CROCC: variants seen among roughly 807,000 people sequenced by gnomAD.
The protein encoded by CROCC is ciliary rootlet coiled-coil, rootletin.
A neutral mutation model predicts 245.2 loss-of-function variants in CROCC; 180 were observed. That is an observed-to-expected ratio of 0.73 (90% CI 0.65 to 0.83). The LOEUF (loss-of-function observed/expected upper bound fraction) is 0.83. CROCC is among the 40% of genes least tolerant of loss of function. The pLI is 0.00. For synonymous variants in CROCC, 1,205 were observed against 1,241.6 expected, an observed-to-expected ratio of 0.97 and a Z score of 0.62; for missense variants, 2,688 against 2,779.4, an observed-to-expected ratio of 0.97 and a Z score of 0.74.
intron 3 of CROCC, among the ~76,000 whole-genome samples, chr1:16,927,506 C>A (rs1259125856): frequency 6.6e-6 from 1 of 152,270 alleles, no homozygotes; most frequent in Non-Finnish European, 1.5e-5. Context: ...CTGATACACA[C>A]AGCCAGGCCC....
chr1:16,919,506 G>A (rs1168313015), upstream of CROCC, among the ~76,000 whole-genome samples: 7 of 152,278 alleles, frequency 4.6e-5, no homozygotes, highest in South Asian at 4.1e-4. Context: ...AGGACAAGCC[G>A]CAGGCAAAAC....
chr1:16,947,615 G>C (rs557862749), intron 17 of CROCC, among the ~76,000 whole-genome samples: 2 of 152,354 alleles, frequency 1.3e-5, no homozygotes, highest in Non-Finnish European at 2.9e-5. Context: ...TTCATGCAAG[G>C]TCTATCCTGG....
At position 16,971,633 on chromosome 1, in the gene CROCC, G is replaced by C; in HGVS notation, c.5953G>C (p.Gly1985Arg). The C allele has an allele frequency of 1.3e-6, 2 of 1,500,520 alleles. No homozygotes were observed. The highest frequency in any genetic ancestry group is 1.8e-6 in the Non-Finnish European group (2 of 1,123,672). 93.0% of individuals were successfully genotyped at this position (1,500,520 alleles called of 1,614,324 possible). A position where few individuals can be genotyped will look rare whatever the true frequency, so the allele number is the denominator to read the frequency against. Residue 1985 changes from glycine (G) to arginine (R), a missense_variant, in exon 36 of 37, where the codon GGG (glycine) becomes CGG (arginine). Gly to Arg is a moderately radical substitution (Grantham distance 125). Around this residue, in one of 9 missense-constraint regions of CROCC, gnomAD observed 1,218 missense variants for 1,286.3 expected, o/e 0.95. Coordinates refer to ENST00000375541, the MANE Select transcript of CROCC (RefSeq NM_014675.5). ...RERAHRQRVR[G>R]LEEQVSTLKG... is the part of the protein sequence containing the mutation. ...GCGGGCCCACCGCCAGAGGGTGCGT[G>C]GGCTGGAGGAGCAGGTGTGCAGGCC... is the stretch of plus-strand genomic sequence containing the variant.
At chr1:16,943,527 G>C (rs1315270273) in intron 13 of CROCC, among the ~76,000 whole-genome samples, 1 of 151,476 alleles carries the variant, frequency 6.6e-6, no homozygotes, top group Non-Finnish European at 1.5e-5. Context: ...GACAGAGCGA[G>C]ACTCCGTCTC....
intron 30 of CROCC, 133 bp from the exon 31 acceptor site, chr1:16,968,070 C>A: frequency 2.4e-6 from 2 of 842,968 alleles, no homozygotes; most frequent in Non-Finnish European, 3.8e-6. Context: ...CCAGAGGGTC[C>A]CAGGCCGGCC....
Position 16,962,603 on chromosome 1 carries a change from A to T in CROCC, c.4405+1473A>T, listed in dbSNP as rs549860123. On this transcript the variant is annotated intron_variant, in intron 27 of 36. Coordinates refer to ENST00000375541, the MANE Select transcript of CROCC (RefSeq NM_014675.5). ...TGGTCAGGCTAGTCTTGAACTCCTG[A>T]CCTTACGTGATCTGCCCACCTCAGC... Among the ~76,000 whole-genome samples the T allele has an allele frequency of 3.4e-4, 50 of 147,498 alleles. 1 individual carries two copies. In the South Asian group the frequency reaches 0.011, roughly 32 times the overall value.
chr1:16,955,875 C>T lies in CROCC; in HGVS notation c.3705-122C>T, dbSNP rs1476783331. 6 of 1,271,226 alleles carry T rather than the reference C, an allele frequency of 4.7e-6. No individual in the cohort carries two copies. The African/African-American group carries it at 5.9e-5, about 13-fold the overall frequency. The allele number at this position is 1,271,226 out of a possible 1,614,324, so 78.7% of individuals were successfully genotyped here. ...CTGCAGGGCTCAGGGCTTAGCTCTT[C>T]AGAGAGGCCACATGGGCAGGCAGTG... is the stretch of plus-strand genomic sequence containing the variant. On this transcript the variant is annotated intron_variant, in intron 24 of 36. Coordinates refer to ENST00000375541, the MANE Select transcript of CROCC (RefSeq NM_014675.5).
At chr1:16,935,190 A>C (rs1320399393) in intron 8 of CROCC, among the ~76,000 whole-genome samples, 9 of 152,250 alleles carry the variant, frequency 5.9e-5, no homozygotes, top group African/African-American at 1.9e-4. Flanking sequence ...ATGAGCCACC[A>C]CGCCTGGCCT....
intron 16 of CROCC, 123 bp from the exon 17 acceptor site, chr1:16,946,638 C>T (rs2076053134): frequency 3.4e-6 from 4 of 1,168,968 alleles, no homozygotes; most frequent in Middle Eastern, 4.3e-4. Flanking sequence ...CACCCAAGGG[C>T]ACTGTCCCTC....
rs1357694978 is a variant in CROCC at position 16,969,193 on chromosome 1, G to A, written c.5154G>A (p.Glu1718=). ...TGAATGGGGCCCTGGCTAAGGTGGA[G>A]GAAAGCGAGGGGGCCCTGCGGGACA... ...ERLNGALAKV[E]ESEGALRDKV... Residue 1718 remains glutamate, a synonymous_variant, in exon 32 of 37, where the codon GAG becomes GAA. Coordinates refer to ENST00000375541, the MANE Select transcript of CROCC (RefSeq NM_014675.5). 1 of 1,610,152 alleles carries A rather than the reference G, an allele frequency of 6.2e-7. No homozygotes were observed. Among genetic ancestry groups the A allele is most frequent in the South Asian group, 1.1e-5 (1 of 90,574 alleles).
intron 13 of CROCC, among the ~76,000 whole-genome samples, chr1:16,943,512 T>C (rs1198255505): frequency 2.7e-5 from 4 of 149,024 alleles, no homozygotes; most frequent in Non-Finnish European, 5.9e-5. Context: ...CACTCCAGCC[T>C]GGGGGACAGA....
rs373042019 is a variant in CROCC at position 16,924,474 on chromosome 1, G to A, written c.346G>A (p.Glu116Lys). Reference protein sequence around the residue: ...ELAIKYNAVSERLEQALRLEP... With the variant: ...ELAIKYNAVSKRLEQALRLEP... ...CGCCATTAAGTACAATGCGGTCAGC[G>A]AGAGGGTGGGTGCCGCCCAGGTGGT... The change falls in exon 3 of 37, where the codon GAG (glutamate) becomes AAG (lysine). Residue 116 changes from glutamate (E) to lysine (K), a missense_variant. This residue lies in a region of CROCC where 972 missense variants were observed against 895.3 expected (regional missense o/e 1.09). Transcript: ENST00000375541. 3.0e-5 allele frequency: 49 copies of A among 1,611,528 alleles called. No homozygotes were observed. Among genetic ancestry groups the A allele is most frequent in the Non-Finnish European group, 2.5e-5 (29 of 1,178,448 alleles).
At chr1:16,960,337 G>T (rs572955401) in intron 26 of CROCC, among the ~76,000 whole-genome samples, 105 of 152,294 alleles carry the variant, frequency 6.9e-4, no homozygotes, top group African/African-American at 2.5e-3. Flanking sequence ...GCCTGGCTTT[G>T]AATCCCAGCT....
chr1:16,938,922 A>C lies in CROCC; in HGVS notation c.1388A>C (p.Asp463Ala), dbSNP rs2100415891. The C allele has an allele frequency of 1.2e-6, 2 of 1,602,008 alleles. No individual in the cohort carries two copies. The highest frequency in any genetic ancestry group is 4.5e-5 in the East Asian group (2 of 44,230). The change falls in exon 12 of 37, where the codon GAC becomes GCC. Residue 463 changes from aspartate to alanine, a missense_variant. By Grantham distance (126) the Asp-to-Ala change is moderately radical (BLOSUM62 -2). Coordinates refer to ENST00000375541, the MANE Select transcript of CROCC (RefSeq NM_014675.5). ...CCCCACCCTCAGGCCGTCTTGTCAG[A>C]CTCTGAGAGCGGCGTCCAGCTGAGC... ...LRDLAQAVLS[D>A]SESGVQLSGS...
chr1:16,937,006 C>G, intron 9 of CROCC, 133 bp downstream of exon 9: 1 of 994,116 alleles, frequency 1.0e-6, no homozygotes, highest in East Asian at 2.4e-5. Flanking sequence ...TTCCCATGCA[C>G]TGAGGTTCCG....
chr1:16,970,340 C>T lies in CROCC; in HGVS notation c.5539C>T (p.Leu1847=). 6.3e-7 allele frequency: 1 copy of T among 1,590,254 alleles called. No homozygotes were observed. Among genetic ancestry groups the T allele is most frequent in the Non-Finnish European group, 8.5e-7 (1 of 1,169,608 alleles). Residue 1847 remains leucine (L), a synonymous_variant, in exon 34 of 37, where the codon CTG becomes TTG. Coordinates refer to ENST00000375541, the MANE Select transcript of CROCC (RefSeq NM_014675.5). ...QDERRLLQER[L]GSLQRALAQL... is the part of the protein sequence containing the mutation. ...CGAGCGGCGGCTGCTGCAGGAGCGCCTGGGAAGCCTGCAGCGCGCCCTGGC... is the reference window on the plus strand; with the variant it reads ...CGAGCGGCGGCTGCTGCAGGAGCGCTTGGGAAGCCTGCAGCGCGCCCTGGC...
chr1:16,947,756 A>C (rs1350795482), intron 17 of CROCC, among the ~76,000 whole-genome samples: 4 of 152,250 alleles, frequency 2.6e-5, no homozygotes, highest in Non-Finnish European at 5.9e-5. Flanking sequence ...GCTTCTCTGC[A>C]AGTTTAGAGT....
At position 16,970,461 on chromosome 1, in the gene CROCC, G is replaced by A. The variant is rs1314796198; in HGVS notation, c.5652+8G>A. 1 of 1,559,738 alleles carries A rather than the reference G, an allele frequency of 6.4e-7. No individual in the cohort carries two copies. Among genetic ancestry groups the A allele is most frequent in the Non-Finnish European group, 8.7e-7 (1 of 1,148,960 alleles). ...AGGAGGACGCTGGACAAGGTAGGCTGCTCCCCAGGCTCTCCCCTCACTTCC... is the reference window on the plus strand; with the variant it reads ...AGGAGGACGCTGGACAAGGTAGGCTACTCCCCAGGCTCTCCCCTCACTTCC... On this transcript the variant is annotated splice_region_variant and intron_variant, in intron 34 of 36. Coordinates refer to ENST00000375541, the MANE Select transcript of CROCC (RefSeq NM_014675.5).
chr1:16,945,288 C>T (rs1162604473), intron 14 of CROCC, among the ~76,000 whole-genome samples, 174 bp from the exon 15 acceptor site: 24 of 152,264 alleles, frequency 1.6e-4, no homozygotes, highest in Non-Finnish European at 2.5e-4. Flanking sequence ...GATGTGAAAA[C>T]GGAGGCCCAG....
Sources: allele counts gnomAD v4.1 joint callset (sites outside exome capture counted in the v4.1 genomes callset), GRCh38; gene constraint gnomAD v4.1.1; regional missense constraint gnomAD v4.1.1; transcripts MANE v1.5; gene names NCBI Gene and HGNC (gene_info 2026-07-23, HGNC 2026-07-21).